ZNF320: variants seen among roughly 807,000 people sequenced by gnomAD.
ZNF320 encodes zinc finger gene 320.
ZNF320 carries 2 observed loss-of-function variants against 6.8 expected under a neutral mutation model. The observed-to-expected ratio is 0.29, with a 90% CI of 0.12 to 0.93. The LOEUF is 0.93. Ranked by LOEUF, ZNF320 falls within the 40% of genes least tolerant of loss-of-function variation. ZNF320 has a pLI of 0.55. For missense variants in ZNF320, 472 were observed against 611.0 expected (o/e 0.77, Z 2.40); for synonymous variants, 208 against 203.2 (o/e 1.02, Z -0.20).
At chr19:52,903,778 A>G in the ZNF320 span, among the ~76,000 whole-genome samples, 2 of 151,964 alleles carry the variant, frequency 1.3e-5, no homozygotes, top group Non-Finnish European at 2.9e-5. Flanking sequence ...TAAAGAGGGC[A>G]CACACACGCA....
downstream of ZNF320, among the ~76,000 whole-genome samples, chr19:52,860,597 C>CAAAAAAA (rs113315558): frequency 3.0e-3 from 353 of 118,832 alleles, 2 homozygotes; most frequent in African/African-American, 0.011. Flanking sequence ...GAAACGGCAT[C>CAAAAAAA]AAAAAAAAAA....
intron 4 of ZNF320, among the ~76,000 whole-genome samples, chr19:52,889,133 G>C (rs1036388592): frequency 6.6e-6 from 1 of 151,600 alleles, no homozygotes; most frequent in Non-Finnish European, 1.5e-5. Flanking sequence ...GCAGTGAGCC[G>C]AGAAATCGCC....
upstream of ZNF320, among the ~76,000 whole-genome samples, chr19:52,899,316 A>G (rs2064556863): frequency 6.6e-6 from 1 of 152,124 alleles, no homozygotes; most frequent in Non-Finnish European, 1.5e-5. Flanking sequence ...TACATGTGTC[A>G]GTTTTGTTAT....
intron 4 of ZNF320, among the ~76,000 whole-genome samples, chr19:52,888,678 C>T (rs2064185528): frequency 6.6e-6 from 1 of 151,750 alleles, no homozygotes; most frequent in Middle Eastern, 3.4e-3. Flanking sequence ...GCACAAAAAT[C>T]CATTTTGTAA....
chr19:52,868,261 C>T (rs1421622416), intron 5 of ZNF320, among the ~76,000 whole-genome samples: 2 of 152,220 alleles, frequency 1.3e-5, no homozygotes, highest in East Asian at 3.9e-4. Flanking sequence ...AATCCCAACA[C>T]TTTGGAAGAC....
intron 5 of ZNF320, among the ~76,000 whole-genome samples, chr19:52,867,478 G>A (rs946844629): frequency 5.3e-5 from 8 of 152,132 alleles, no homozygotes; most frequent in Non-Finnish European, 8.8e-5. Context: ...TTACAGGCAT[G>A]AGCCACCGTG....
exon 6 of ZNF320, among the ~76,000 whole-genome samples, chr19:52,863,422 A>T (rs1181467446): frequency 6.6e-6 from 1 of 150,752 alleles, no homozygotes; most frequent in African/African-American, 2.4e-5. Context: ...CATGGTGAAA[A>T]CCTGTCTCTA....
chr19:52,891,041 C>T (rs369024352), intron 3 of ZNF320, among the ~76,000 whole-genome samples, 188 bp downstream of exon 3: 58 of 152,060 alleles, frequency 3.8e-4, no homozygotes, highest in African/African-American at 1.3e-3. Context: ...CCCAGCTACT[C>T]GGGAAGCTGA....
In ZNF320 at chr19:52,866,096, ATGTATGATTATACATATATTTATATATG is replaced by A. The variant is rs2063562818; in HGVS notation, c.224-1965_224-1938del. Among the ~76,000 whole-genome samples the A allele has an allele frequency of 1.7e-4, 5 of 29,918 alleles. 2 individuals carry two copies. Among genetic ancestry groups the A allele is most frequent in the African/African-American group, 5.1e-4 (3 of 5,926 alleles). The allele number at this position is 29,918 out of a possible 152,430, so 19.6% of individuals were successfully genotyped here. A position where few individuals can be genotyped will look rare whatever the true frequency, so the allele number is the denominator to read the frequency against. On this transcript the variant is annotated intron_variant, in intron 5 of 5. Transcript: ENST00000673631. Reference sequence around the variant, plus strand: ...TATATGATTATACATATATTTATATATGTATGATTATACATATATTTATATATGTATGATTATACATATATTTATATAT... The same window carrying A: ...TATATGATTATACATATATTTATATATATGATTATACATATATTTATATAT...
At chr19:52,867,994 A>G (rs368749964) in intron 5 of ZNF320, among the ~76,000 whole-genome samples, 2 of 144,762 alleles carry the variant, frequency 1.4e-5, no homozygotes, top group Non-Finnish European at 3.1e-5. Flanking sequence ...ATCTACCCCC[A>G]TCAGCCTCCC....
intron 5 of ZNF320, among the ~76,000 whole-genome samples, chr19:52,886,961 GA>G (rs1414637229): frequency 2.4e-5 from 3 of 124,600 alleles, no homozygotes; most frequent in Non-Finnish European, 5.1e-5. Context: ...AAGAAAGAAA[GA>G]AAGAAAAGAA....
intron 5 of ZNF320, 148 bp downstream of exon 5, chr19:52,887,979 T>G: frequency 7.1e-7 from 1 of 1,404,338 alleles, no homozygotes; most frequent in Non-Finnish European, 9.6e-7. Context: ...ACAGTGAAAG[T>G]CCAGATGCTA....
In ZNF320 at chr19:52,893,762, C is replaced by A. The variant is rs1028031255; in HGVS notation, c.-192+17G>T. The A allele has an allele frequency of 1.3e-5, 2 of 152,124 alleles. No homozygotes were observed. The highest frequency in any genetic ancestry group is 4.8e-5 in the African/African-American group (2 of 41,396). 9.4% of individuals were successfully genotyped at this position (152,124 alleles called of 1,614,324 possible). A position where few individuals can be genotyped will look rare whatever the true frequency, so the allele number is the denominator to read the frequency against. On this transcript the variant is annotated intron_variant, in intron 2 of 5. Coordinates refer to ENST00000682928, the MANE Select transcript of ZNF320 (RefSeq NM_001351774.2). ...TATAAGCAAAAACCTGGAGAGGACA[C>A]AACCAAAGCTACTCACCAGGCTGAG...
chr19:52,877,849 G>A lies in ZNF320; in HGVS notation c.*2747C>T, dbSNP rs2063804031. On this transcript the variant is annotated 3_prime_UTR_variant, in exon 6 of 6. Transcript: ENST00000682928. ...AAAGTCCAAGGGTCTGTCATGAACC[G>A]GGTTAGAGAAGATGAGAAAATTTTC... 6.6e-6 allele frequency: 1 copy of A among 150,528 alleles called. No individual in the cohort carries two copies. Among genetic ancestry groups the A allele is most frequent in the South Asian group, 2.1e-4 (1 of 4,792 alleles). The allele number at this position is 150,528 out of a possible 1,614,324, so 9.3% of individuals were successfully genotyped here.
chr19:52,884,007 T>C (rs939162813), intron 5 of ZNF320, among the ~76,000 whole-genome samples: 1 of 152,206 alleles, frequency 6.6e-6, no homozygotes, highest in Non-Finnish European at 1.5e-5. Flanking sequence ...AATTTAGTCA[T>C]GGGTGTTGAC....
chr19:52,886,939 A>C (rs913069712), intron 5 of ZNF320, among the ~76,000 whole-genome samples: 6 of 151,140 alleles, frequency 4.0e-5, no homozygotes, highest in South Asian at 2.1e-4. Flanking sequence ...TCAAAAGAAA[A>C]AGAAAGAAAA....
rs1484656325 is a variant in ZNF320, at chr19:52,877,758, A to G, written c.*2838T>C. ...TTAGTAATTTTTATTTTCCTTTCACAAGCTTGTGACAGCCATAATGCTTTG... is the reference window on the plus strand; with the variant it reads ...TTAGTAATTTTTATTTTCCTTTCACGAGCTTGTGACAGCCATAATGCTTTG... On this transcript the variant is annotated 3_prime_UTR_variant, in exon 6 of 6. Transcript: ENST00000682928. 3 of 152,192 alleles carry G rather than the reference A, an allele frequency of 2.0e-5. No homozygotes were observed. The highest frequency in any genetic ancestry group is 6.5e-5 in the Admixed American group (1 of 15,276). 9.4% of individuals were successfully genotyped at this position (152,192 alleles called of 1,614,324 possible).
chr19:52,889,270 G>A (rs2064208461), intron 4 of ZNF320, among the ~76,000 whole-genome samples: 1 of 151,978 alleles, frequency 6.6e-6, no homozygotes, highest in African/African-American at 2.4e-5. Context: ...GCAGCTGCTG[G>A]TGGGTGGAAT....
Position 52,876,429 on chromosome 19 carries a change from C to T in ZNF320, c.*4167G>A, listed in dbSNP as rs1209144336. 1 of 151,102 alleles carries T rather than the reference C, an allele frequency of 6.6e-6. No individual in the cohort carries two copies. Among genetic ancestry groups the T allele is most frequent in the Non-Finnish European group, 1.5e-5 (1 of 67,916 alleles). The allele number at this position is 151,102 out of a possible 1,614,324, so 9.4% of individuals were successfully genotyped here. The stretch of plus-strand genomic sequence containing the variant: ...CAAAGAAGAACATTTTGAACACATA[C>T]CGTAGTTGCAAAACAATGATGTTAC... On this transcript the variant is annotated 3_prime_UTR_variant, in exon 6 of 6. Coordinates refer to ENST00000682928, the MANE Select transcript of ZNF320 (RefSeq NM_001351774.2).
Sources: allele counts gnomAD v4.1 joint callset (sites outside exome capture counted in the v4.1 genomes callset), GRCh38; gene constraint gnomAD v4.1.1; transcripts MANE v1.5; gene names NCBI Gene and HGNC (gene_info 2026-07-23, HGNC 2026-07-21).